CEMIP: variants seen among roughly 807,000 people sequenced by gnomAD.
CEMIP encodes cell migration inducing hyaluronidase 1.
CEMIP carries 105 observed loss-of-function variants against 156.9 expected under a neutral mutation model. The observed-to-expected ratio is 0.67, with a 90% confidence interval of 0.57 to 0.79. CEMIP has a LOEUF of 0.79. Ranked by LOEUF, CEMIP falls within the 30% of genes least tolerant of loss-of-function variation. The pLI, the probability that CEMIP is intolerant of heterozygous loss-of-function variation, is 0.00. For missense variants in CEMIP, 1,457 were observed against 1,769.4 expected (o/e 0.82, Z 3.17); for synonymous variants, 676 against 668.4 (o/e 1.01, Z -0.17).
At position 80,818,416 on chromosome 15, in the gene CEMIP, T is replaced by G. The variant is rs564202302; in HGVS notation, c.-176+38802T>G. ...GGGCAGGAGAAGTGCAAACTTATCATGGGCCCAAAGGAGAAGAGAATCAGA... is the reference window on the plus strand; with the variant it reads ...GGGCAGGAGAAGTGCAAACTTATCAGGGGCCCAAAGGAGAAGAGAATCAGA... On this transcript the variant is annotated intron_variant, in intron 1 of 29. Transcript: ENST00000394685. 1.1e-3 allele frequency among the ~76,000 whole-genome samples: 167 copies of G among 152,358 alleles called. 1 individual carries two copies. The highest frequency in any genetic ancestry group is 3.4e-3 in the Middle Eastern group (1 of 294).
In CEMIP at chr15:80,948,870, A is replaced by G; in HGVS notation, c.4032A>G (p.Lys1344=). ...TGACACTGGACACTGAGGATCACAA[A>G]GCCAAAATCTTCCAAGTTGTGCCCA... ...IWVTLDTEDH[K]AKIFQVVPIP... Residue 1344 remains lysine, a synonymous_variant, in exon 30 of 30, where the codon AAA becomes AAG. Coordinates refer to ENST00000394685, the MANE Select transcript of CEMIP (RefSeq NM_001293298.2). 6.2e-7 allele frequency: 1 copy of G among 1,614,220 alleles called. No individual in the cohort carries two copies. Among genetic ancestry groups the G allele is most frequent in the Non-Finnish European group, 8.5e-7 (1 of 1,180,038 alleles).
In CEMIP at chr15:80,921,104, G is replaced by A. The variant is rs921589763; in HGVS notation, c.2073+3G>A. On this transcript the variant is annotated splice_donor_region_variant and intron_variant, in intron 16 of 29. Coordinates refer to ENST00000394685, the MANE Select transcript of CEMIP (RefSeq NM_001293298.2). ...ACTGTGCCGCTGCAGGATCTGAGGT[G>A]AGCAGAAATATTCCTTCTTTGGCAG... 6.2e-7 allele frequency: 1 copy of A among 1,613,764 alleles called. No individual in the cohort carries two copies. The highest frequency in any genetic ancestry group is 1.7e-4 in the Middle Eastern group (1 of 6,050).
chr15:80,833,955 T>A (rs987716307), intron 1 of CEMIP, among the ~76,000 whole-genome samples: 1 of 152,106 alleles, frequency 6.6e-6, no homozygotes, highest in Non-Finnish European at 1.5e-5. Context: ...CAGACGTGAG[T>A]CACTGTGCTC....
chr15:80,937,650 A>G, intron 24 of CEMIP, 144 bp from the exon 25 acceptor site: 1 of 744,136 alleles, frequency 1.3e-6, no homozygotes, highest in South Asian at 1.6e-5. Flanking sequence ...TCACCACGAC[A>G]GCAAATGTGC....
intron 1 of CEMIP, among the ~76,000 whole-genome samples, chr15:80,855,824 G>A (rs1007977978): frequency 7.2e-5 from 11 of 152,188 alleles, no homozygotes; most frequent in South Asian, 2.1e-4. Context: ...CACCCAGCCC[G>A]TGCCTTCTTT....
intron 1 of CEMIP, among the ~76,000 whole-genome samples, chr15:80,846,393 C>A (rs1897558182): frequency 6.6e-6 from 1 of 152,210 alleles, no homozygotes; most frequent in South Asian, 2.1e-4. Context: ...CCAGGAAAAC[C>A]TTTCCTGTGC....
intron 27 of CEMIP, among the ~76,000 whole-genome samples, 168 bp from the exon 28 acceptor site, chr15:80,942,777 T>C (rs532207976): frequency 6.6e-6 from 1 of 152,324 alleles, no homozygotes; most frequent in East Asian, 1.9e-4. Context: ...GGGCCACTAT[T>C]TGACCCACTA....
intron 14 of CEMIP, among the ~76,000 whole-genome samples, chr15:80,919,793 C>T (rs751071118): frequency 1.4e-5 from 2 of 144,378 alleles, no homozygotes; most frequent in Non-Finnish European, 3.0e-5. Context: ...CCAGTCTGGG[C>T]GACAAAGTGA....
intron 6 of CEMIP, among the ~76,000 whole-genome samples, chr15:80,882,058 G>C (rs1254991298): frequency 6.6e-6 from 1 of 152,174 alleles, no homozygotes; most frequent in East Asian, 1.9e-4. Flanking sequence ...CCCTGGGGCT[G>C]CTGGGGAAGG....
intron 1 of CEMIP, among the ~76,000 whole-genome samples, chr15:80,834,671 C>T (rs959413939): frequency 3.3e-5 from 5 of 152,318 alleles, no homozygotes; most frequent in African/African-American, 1.2e-4. Context: ...AAAGACTTAG[C>T]TTTAGCATAT....
intron 1 of CEMIP, among the ~76,000 whole-genome samples, chr15:80,781,697 A>C (rs1895802731): frequency 6.6e-6 from 1 of 152,246 alleles, no homozygotes. Flanking sequence ...TGACTTTGGG[A>C]AAGTTGCTCA....
At position 80,884,124 on chromosome 15, in the gene CEMIP, G is replaced by C. The variant is rs745456895; in HGVS notation, c.618-51G>C. ...CACAGGCATGTGCTTAGAGCTCTTT[G>C]TTTTGGCTGCGGTCAAGACTATTCA... On this transcript the variant is annotated intron_variant, in intron 6 of 29. Coordinates refer to ENST00000394685, the MANE Select transcript of CEMIP (RefSeq NM_001293298.2). 4 of 1,587,906 alleles carry C rather than the reference G, an allele frequency of 2.5e-6. No homozygotes were observed. In the Admixed American group the frequency reaches 6.7e-5, roughly 26 times the overall value.
chr15:80,849,673 G>C (rs1369412543), intron 1 of CEMIP, among the ~76,000 whole-genome samples: 3 of 150,492 alleles, frequency 2.0e-5, no homozygotes, highest in Non-Finnish European at 4.4e-5. Context: ...GACCACCAGA[G>C]AGAGAGAGAG....
At chr15:80,895,268 T>C (rs1899178899) in intron 11 of CEMIP, 146 bp downstream of exon 11, 1 of 1,125,606 alleles carries the variant, frequency 8.9e-7, no homozygotes, top group Non-Finnish European at 1.3e-6. Flanking sequence ...GGGAGGATCC[T>C]TGGAGTTGGC....
At chr15:80,814,185 A>T (rs919171217) in intron 1 of CEMIP, among the ~76,000 whole-genome samples, 1 of 151,458 alleles carries the variant, frequency 6.6e-6, no homozygotes, top group African/African-American at 2.4e-5. Flanking sequence ...AGTAGCTGGG[A>T]CTACAGGTGC....
intron 1 of CEMIP, among the ~76,000 whole-genome samples, chr15:80,871,342 C>G (rs1898285125): frequency 6.6e-6 from 1 of 152,158 alleles, no homozygotes; most frequent in Non-Finnish European, 1.5e-5. Context: ...AGCAGAAGGT[C>G]TCACAAATGT....
intron 29 of CEMIP, chr15:80,947,490 A>G: frequency 5.8e-6 from 1 of 173,474 alleles, no homozygotes; most frequent in East Asian, 1.5e-4. Flanking sequence ...CAGCTTGCAA[A>G]ACTCTTATTT....
chr15:80,841,683 G>A (rs1897422363), intron 1 of CEMIP, among the ~76,000 whole-genome samples: 1 of 152,084 alleles, frequency 6.6e-6, no homozygotes, highest in Non-Finnish European at 1.5e-5. Context: ...CAGGTCCTTG[G>A]TAGCTGCCGG....
In CEMIP at chr15:80,878,806, G is replaced by C. The variant is rs371125921; in HGVS notation, c.180G>C (p.Gln60His). Reference sequence around the variant, plus strand: ...AAGACCACCATGTGCATATCGGCCAGGGCAAGACACTGCTGCTCACCTCTT... The same window carrying C: ...AAGACCACCATGTGCATATCGGCCACGGCAAGACACTGCTGCTCACCTCTT... Reference protein sequence around the residue: ...HDQDHHVHIGQGKTLLLTSSA... With the variant: ...HDQDHHVHIGHGKTLLLTSSA... Residue 60 changes from glutamine to histidine, a missense_variant, in exon 4 of 30, where the codon CAG becomes CAC. Physicochemically the swap from Gln to His is conservative, Grantham distance 24 (BLOSUM62 0). This residue lies in a region of CEMIP where 309 missense variants were observed against 340.8 expected (regional missense o/e 0.91). Transcript: ENST00000394685. The C allele has an allele frequency of 9.3e-6, 15 of 1,614,042 alleles. No individual in the cohort carries two copies.
Sources: gnomAD v4.1 joint callset for allele counts (sites outside exome capture counted in the v4.1 genomes callset) on GRCh38, gnomAD v4.1.1 for gene constraint, gnomAD v4.1.1 regional missense constraint, MANE v1.5 for transcripts, NCBI Gene and HGNC (gene_info 2026-07-23, HGNC 2026-07-21) for gene names.